The following ADGRL2 variants were observed in gnomAD, a reference collection of about 807,000 sequenced individuals.
ADGRL2 encodes the protein adhesion G protein-coupled receptor L2.
In ADGRL2, 44 loss-of-function variants were observed where a neutral mutation model predicts 157.4. That is an observed-to-expected ratio of 0.28 (90% CI 0.22 to 0.36). The LOEUF (loss-of-function observed/expected upper bound fraction) is 0.36, where lower values mean the gene tolerates loss of function less well. Among genes scored for constraint, ADGRL2 ranks in the 10% least tolerant of loss-of-function variants. The pLI is 1.00. For missense variants in ADGRL2, 1,510 were observed against 1,768.9 expected, an observed-to-expected ratio of 0.85 and a Z score of 2.63; for synonymous variants, 585 against 624.7, an observed-to-expected ratio of 0.94 and a Z score of 0.95.
At chr1:81,370,610 T>G (rs979155684) in intron 1 of ADGRL2, among the ~76,000 whole-genome samples, 5 of 152,090 alleles carry the variant, frequency 3.3e-5, no homozygotes, top group Admixed American at 1.3e-4. Context: ...GAAGACCCCC[T>G]CCCCTACAAA....
At chr1:81,306,916 GT>G (rs955588334) in intron 1 of ADGRL2, among the ~76,000 whole-genome samples, 8 of 151,490 alleles carry the variant, frequency 5.3e-5, no homozygotes, top group Non-Finnish European at 1.0e-4. Context: ...AGCATTTTCT[GT>G]GAAAAATAAC....
In ADGRL2 at chr1:81,951,072, C is replaced by T; in HGVS notation, c.1559C>T (p.Pro520Leu). ...ISTGTWNPKG[P>L]DLSNCTSHWV... ...ACTGGAACATGGAACCCTAAGGGCC[C>T]CGATCTTAGCAACTGTACCTCACAC... Residue 520 changes from proline (P) to leucine (L), a missense_variant, in exon 8 of 24, where the codon CCC becomes CTC. Pro to Leu is a moderately conservative substitution (Grantham distance 98, BLOSUM62 -3). Around this residue, in one of 4 missense-constraint regions of ADGRL2, gnomAD observed 325 missense variants for 333.2 expected, o/e 0.98. Coordinates refer to ENST00000686636, the MANE Select transcript of ADGRL2 (RefSeq NM_001366006.2). The T allele has an allele frequency of 1.9e-6, 3 of 1,613,594 alleles. No homozygotes were observed. Among genetic ancestry groups the T allele is most frequent in the Non-Finnish European group, 1.7e-6 (2 of 1,179,588 alleles).
rs145118559 is a variant in ADGRL2 at position 81,923,785 on chromosome 1, G to A, written c.288-12943G>A. On this transcript the variant is annotated intron_variant, in intron 3 of 23. Coordinates refer to ENST00000686636, the MANE Select transcript of ADGRL2 (RefSeq NM_001366006.2). Reference sequence around the variant, plus strand: ...ATTGAGATAGATTGAAAAGAAGCCTGACATACAACAGAAAGGTGAAACTAC... The same window carrying A: ...ATTGAGATAGATTGAAAAGAAGCCTAACATACAACAGAAAGGTGAAACTAC... 5.9e-3 allele frequency among the ~76,000 whole-genome samples: 904 copies of A among 152,164 alleles called. 7 individuals are homozygous for A. The highest frequency in any genetic ancestry group is 0.021 in the African/African-American group (854 of 41,526).
intron 1 of ADGRL2, among the ~76,000 whole-genome samples, chr1:81,709,825 A>G (rs1383613575): frequency 6.6e-6 from 1 of 152,192 alleles, no homozygotes; most frequent in Non-Finnish European, 1.5e-5. Context: ...TTTTCGAAAC[A>G]TGTTAAAAAC....
At chr1:81,843,740 CTT>C (rs1201353488) in intron 2 of ADGRL2, among the ~76,000 whole-genome samples, 2 of 152,120 alleles carry the variant, frequency 1.3e-5, no homozygotes, top group African/African-American at 4.8e-5. Flanking sequence ...ACACTGGCAT[CTT>C]TTCAAAAGTA....
chr1:81,872,882 A>T (rs2151044057), intron 2 of ADGRL2, among the ~76,000 whole-genome samples: 1 of 152,236 alleles, frequency 6.6e-6, no homozygotes, highest in South Asian at 2.1e-4. Context: ...TTGTGTGCAA[A>T]AATAAGTAAA....
intron 11 of ADGRL2, among the ~76,000 whole-genome samples, chr1:81,960,342 C>A (rs1272538594): frequency 6.6e-6 from 1 of 152,106 alleles, no homozygotes; most frequent in Non-Finnish European, 1.5e-5. Flanking sequence ...CAAGAACTTT[C>A]TGTTGCATCT....
chr1:81,415,700 C>T (rs541806571), intron 1 of ADGRL2, among the ~76,000 whole-genome samples: 2 of 152,218 alleles, frequency 1.3e-5, no homozygotes, highest in Non-Finnish European at 1.5e-5. Context: ...TGACCATCTG[C>T]GATAAAAAGG....
chr1:81,896,374 T>C (rs1458415367), intron 2 of ADGRL2, among the ~76,000 whole-genome samples: 1 of 152,140 alleles, frequency 6.6e-6, no homozygotes, highest in Non-Finnish European at 1.5e-5. Flanking sequence ...GGACGGAGAC[T>C]CTGGAATGAT....
rs550693570 is a variant in ADGRL2, at chr1:81,956,347, T to A, written c.2017+287T>A. Among the ~76,000 whole-genome samples, 6 of 152,366 alleles carry A rather than the reference T, an allele frequency of 3.9e-5. No homozygotes were observed. In the East Asian group the frequency reaches 1.2e-3, roughly 29 times the overall value. ...CCTAAATACCAGAATGTAGATTTTT[T>A]AAGTAATGAAAGTACTTGCTATGAA... On this transcript the variant is annotated intron_variant, in intron 11 of 23. Transcript: ENST00000686636.
intron 2 of ADGRL2, among the ~76,000 whole-genome samples, chr1:81,559,694 A>C (rs2080396568): frequency 6.6e-6 from 1 of 152,170 alleles, no homozygotes; most frequent in Non-Finnish European, 1.5e-5. Context: ...AGTATTGTAG[A>C]AAAGTAATTT....
intron 1 of ADGRL2, among the ~76,000 whole-genome samples, chr1:81,821,713 A>C (rs78653703): frequency 6.6e-6 from 1 of 152,178 alleles, no homozygotes; most frequent in East Asian, 1.9e-4. Flanking sequence ...TCTTATATTT[A>C]ATTTGAGGAG....
chr1:81,721,448 T>G (rs1446766136), intron 1 of ADGRL2, among the ~76,000 whole-genome samples: 1 of 152,120 alleles, frequency 6.6e-6, no homozygotes, highest in Non-Finnish European at 1.5e-5. Context: ...ATTTATTGGC[T>G]TTTGTAAGTT....
chr1:81,437,007 G>C (rs1467619151), intron 1 of ADGRL2, among the ~76,000 whole-genome samples: 1 of 152,170 alleles, frequency 6.6e-6, no homozygotes, highest in Admixed American at 6.5e-5. Flanking sequence ...TCAACAAAAT[G>C]TGTTCATAAA....
At chr1:81,673,510 ATTTTTTTTT>A (rs35732882) in intron 3 of ADGRL2, among the ~76,000 whole-genome samples, 1 of 100,154 alleles carries the variant, frequency 1.0e-5, no homozygotes, top group African/African-American at 4.0e-5. Flanking sequence ...TGTGCCTTCT[ATTTTTTTTT>A]TTTTTTTTTT....
At chr1:81,589,920 A>G (rs2081098935) in intron 3 of ADGRL2, among the ~76,000 whole-genome samples, 1 of 152,158 alleles carries the variant, frequency 6.6e-6, no homozygotes, top group Admixed American at 6.6e-5. Context: ...ACCCAGTAGA[A>G]CCACTGTGAA....
At chr1:81,610,964 A>G (rs759144360) in intron 3 of ADGRL2, among the ~76,000 whole-genome samples, 4 of 152,186 alleles carry the variant, frequency 2.6e-5, no homozygotes, top group Non-Finnish European at 5.9e-5. Flanking sequence ...ATAGAAAGAG[A>G]TCATCAACAT....
At chr1:81,717,309 A>C (rs1229909719) in intron 1 of ADGRL2, among the ~76,000 whole-genome samples, 2 of 152,266 alleles carry the variant, frequency 1.3e-5, no homozygotes, top group African/African-American at 4.8e-5. Context: ...TCTCCTTTGG[A>C]AAGAGGCACA....
chr1:81,985,344 C>T lies in ADGRL2; in HGVS notation c.3497C>T (p.Thr1166Ile). Residue 1166 changes from threonine to isoleucine, a missense_variant, in exon 21 of 24, where the codon ACA (threonine) becomes ATA (isoleucine). Physicochemically the swap from Thr to Ile is moderately conservative, Grantham distance 89. Coordinates refer to ENST00000686636, the MANE Select transcript of ADGRL2 (RefSeq NM_001366006.2). ...FISGDINSTS[T>I]LNQGMTGNYL... ...TCAGGTGACATCAATAGCACTTCAA[C>T]ACTTAATCAAGGTCAGTTATCAGGA... 6.3e-7 allele frequency: 1 copy of T among 1,592,708 alleles called. No homozygotes were observed. Among genetic ancestry groups the T allele is most frequent in the Non-Finnish European group, 8.6e-7 (1 of 1,164,806 alleles).
Sources: gnomAD v4.1 joint callset for allele counts (sites outside exome capture counted in the v4.1 genomes callset) on GRCh38, gnomAD v4.1.1 for gene constraint, gnomAD v4.1.1 regional missense constraint, MANE v1.5 for transcripts, NCBI Gene and HGNC (gene_info 2026-07-23, HGNC 2026-07-21) for gene names.